MROH9: variants seen among roughly 807,000 people sequenced by gnomAD.
The protein encoded by MROH9 is maestro heat-like repeat-containing protein family member 9.
MROH9 carries 92 observed loss-of-function variants against 98.2 expected under a neutral mutation model. The observed-to-expected ratio is 0.94, with a 90% CI of 0.79 to 1.11. MROH9 has a LOEUF of 1.11. Ranked by LOEUF, MROH9 falls within the 50% of genes most tolerant of loss-of-function variation. The pLI, the probability that MROH9 is intolerant of heterozygous loss-of-function variation, is 0.00. For synonymous variants in MROH9, 397 were observed against 368.9 expected (o/e 1.08, Z -0.87); for missense variants, 1,057 against 1,014.8 (o/e 1.04, Z -0.57).
chr1:171,018,545 G>A lies in MROH9; in HGVS notation c.1908+2209G>A, dbSNP rs556293595. ...CTCCAGCAAGGACATAGAACTGGAC[G>A]GAGGATGAGATGGACGAATTGACAG... On this transcript the variant is annotated intron_variant, in intron 17 of 21. Coordinates refer to ENST00000367759, the MANE Select transcript of MROH9 (RefSeq NM_001163629.2). 3.3e-5 allele frequency among the ~76,000 whole-genome samples: 5 copies of A among 152,180 alleles called. No homozygotes were observed. The East Asian group carries it at 7.7e-4, about 23-fold the overall frequency.
chr1:170,976,874 A>G (rs915048419), intron 8 of MROH9, among the ~76,000 whole-genome samples: 1 of 152,146 alleles, frequency 6.6e-6, no homozygotes, highest in African/African-American at 2.4e-5. Flanking sequence ...CCAATAACAC[A>G]TAGAATTGGC....
chr1:171,030,475 C>T (rs74179567), intron 20 of MROH9, among the ~76,000 whole-genome samples: 3 of 152,090 alleles, frequency 2.0e-5, no homozygotes, highest in African/African-American at 4.8e-5. Flanking sequence ...CCAGAGATTC[C>T]GGTACATTGT....
chr1:171,048,052 A>C (rs1653522082), intron 20 of MROH9, among the ~76,000 whole-genome samples: 1 of 152,280 alleles, frequency 6.6e-6, no homozygotes, highest in South Asian at 2.1e-4. Context: ...CAGGGGATAG[A>C]GTTACATGAG....
chr1:170,959,637 A>G (rs1649937969), intron 5 of MROH9, 40 bp downstream of exon 5: 1 of 1,586,584 alleles, frequency 6.3e-7, no homozygotes, highest in Admixed American at 1.7e-5. Flanking sequence ...GGATGTTATT[A>G]CACATCACAG....
At chr1:170,962,794 G>C (rs1224700197) in intron 6 of MROH9, among the ~76,000 whole-genome samples, 3 of 151,776 alleles carry the variant, frequency 2.0e-5, no homozygotes, top group Non-Finnish European at 4.4e-5. Flanking sequence ...ATTGATATTG[G>C]ACCCCTTCCT....
chr1:171,055,749 G>C (rs1055852345), intron 20 of MROH9, among the ~76,000 whole-genome samples: 1 of 151,966 alleles, frequency 6.6e-6, no homozygotes, highest in Non-Finnish European at 1.5e-5. Context: ...GGCAGTCGGA[G>C]GCTTCCATTG....
At chr1:170,962,209 G>T (rs867998709) in intron 6 of MROH9, among the ~76,000 whole-genome samples, 8 of 152,116 alleles carry the variant, frequency 5.3e-5, no homozygotes, top group Non-Finnish European at 1.2e-4. Context: ...TGAGAAACCA[G>T]GTCTCATGTG....
At chr1:170,993,000 A>T (rs902680233) in intron 12 of MROH9, among the ~76,000 whole-genome samples, 1 of 152,210 alleles carries the variant, frequency 6.6e-6, no homozygotes, top group Non-Finnish European at 1.5e-5. Flanking sequence ...TAAAGTTGGC[A>T]TTGCTTCACA....
At chr1:171,058,802 C>T (rs1253386462) in intron 20 of MROH9, among the ~76,000 whole-genome samples, 3 of 152,170 alleles carry the variant, frequency 2.0e-5, no homozygotes, top group Admixed American at 6.5e-5. Context: ...ATGCAGAAAA[C>T]TGAAACTGGA....
intron 12 of MROH9, among the ~76,000 whole-genome samples, chr1:170,995,166 A>G (rs189648860): frequency 2.0e-5 from 3 of 152,248 alleles, no homozygotes; most frequent in Non-Finnish European, 4.4e-5. Flanking sequence ...GTGTTTGTAT[A>G]GTGCCTTAAG....
intron 1 of MROH9, among the ~76,000 whole-genome samples, chr1:170,940,558 A>G (rs1232321191): frequency 6.6e-6 from 1 of 152,196 alleles, no homozygotes; most frequent in Non-Finnish European, 1.5e-5. Flanking sequence ...TAGAGAAAAA[A>G]AGTATTTGCC....
intron 3 of MROH9, among the ~76,000 whole-genome samples, chr1:170,954,782 A>G (rs1004298289): frequency 5.3e-5 from 8 of 151,992 alleles, no homozygotes; most frequent in Non-Finnish European, 1.2e-4. Context: ...TATTAATAAT[A>G]TTGAGCATTT....
chr1:170,958,557 TGC>T lies in MROH9; in HGVS notation c.152+18_152+19del. On this transcript the variant is annotated intron_variant, in intron 4 of 21. Coordinates refer to ENST00000367759, the MANE Select transcript of MROH9 (RefSeq NM_001163629.2). Reference sequence around the variant, plus strand: ...GAACTCCAGGTATGATAAGCTATCATGCTCTTTTATTTCACTAATTGGATGCA... The same window carrying T: ...GAACTCCAGGTATGATAAGCTATCATTCTTTTATTTCACTAATTGGATGCA... The T allele has an allele frequency of 6.6e-7, 1 of 1,519,466 alleles. No individual in the cohort carries two copies. The highest frequency in any genetic ancestry group is 9.0e-7 in the Non-Finnish European group (1 of 1,109,734). 94.1% of individuals were successfully genotyped at this position (1,519,466 alleles called of 1,614,324 possible). A position where few individuals can be genotyped will look rare whatever the true frequency, so the allele number is the denominator to read the frequency against.
At chr1:170,967,730 G>A (rs969220430) in intron 7 of MROH9, among the ~76,000 whole-genome samples, 7 of 152,146 alleles carry the variant, frequency 4.6e-5, no homozygotes, top group African/African-American at 1.7e-4. Flanking sequence ...GCCCATCAGG[G>A]TAGAGAAACT....
chr1:170,939,949 C>A (rs1649057411), intron 1 of MROH9, among the ~76,000 whole-genome samples: 1 of 152,190 alleles, frequency 6.6e-6, no homozygotes, highest in African/African-American at 2.4e-5. Flanking sequence ...ATGCATCAAG[C>A]ACCACTGGAT....
chr1:170,974,489 A>G (rs537520950), intron 8 of MROH9, among the ~76,000 whole-genome samples: 6 of 152,240 alleles, frequency 3.9e-5, no homozygotes, highest in African/African-American at 1.4e-4. Context: ...AAATGACACA[A>G]GTTATAGGCA....
intron 15 of MROH9, 79 bp from the exon 16 acceptor site, chr1:171,014,038 A>C: frequency 8.2e-7 from 1 of 1,224,760 alleles, no homozygotes; most frequent in Non-Finnish European, 1.1e-6. Context: ...AGTTTTACCT[A>C]GAATATCTTG....
chr1:171,035,224 T>C (rs983687837), intron 20 of MROH9, among the ~76,000 whole-genome samples: 1 of 151,764 alleles, frequency 6.6e-6, no homozygotes, highest in African/African-American at 2.4e-5. Context: ...ATATTAATTA[T>C]AATAACTTAG....
chr1:171,044,612 G>A (rs746003197), intron 20 of MROH9, among the ~76,000 whole-genome samples: 1 of 152,118 alleles, frequency 6.6e-6, no homozygotes, highest in Non-Finnish European at 1.5e-5. Context: ...TTCACTGGGA[G>A]ACTTTGTATT....
Sources: gnomAD v4.1 joint callset for allele counts (sites outside exome capture counted in the v4.1 genomes callset) on GRCh38, gnomAD v4.1.1 for gene constraint, MANE v1.5 for transcripts, NCBI Gene and HGNC (gene_info 2026-07-23, HGNC 2026-07-21) for gene names.